The following UFSP2 variants were observed in gnomAD, a reference collection of about 807,000 sequenced individuals.
The protein encoded by UFSP2 is ufm1-specific protease 2.
A neutral mutation model predicts 60.2 loss-of-function variants in UFSP2; 43 were observed. That is an observed-to-expected ratio of 0.71 (90% confidence interval 0.56 to 0.92). The LOEUF (loss-of-function observed/expected upper bound fraction) is 0.92. UFSP2 is among the 40% of genes least tolerant of loss of function. The probability of loss-of-function intolerance (pLI) is 0.00; values close to 1 mark genes in which losing one functional copy is unlikely to be tolerated. For missense variants in UFSP2, 520 were observed against 575.0 expected, an observed-to-expected ratio of 0.90 and a Z score of 0.98; for synonymous variants, 183 against 195.1, an observed-to-expected ratio of 0.94 and a Z score of 0.52.
At chr4:185,410,056 G>A (rs185858315) in intron 7 of UFSP2, among the ~76,000 whole-genome samples, 3 of 152,076 alleles carry the variant, frequency 2.0e-5, no homozygotes, top group African/African-American at 7.2e-5. Context: ...TTATTTTTTA[G>A]GGAACAAATA....
rs70962563 is a variant in UFSP2 at position 185,405,002 on chromosome 4, CT to C, written c.1198+777del. On this transcript the variant is annotated intron_variant, in intron 10 of 11. Coordinates refer to ENST00000264689, the MANE Select transcript of UFSP2 (RefSeq NM_018359.5). The stretch of plus-strand genomic sequence containing the variant: ...TGCTGACATCAGCCTACCTCCATTT[CT>C]TTTTTTTTTTTTTTTCTTTTGAGAC... Among the ~76,000 whole-genome samples, 1,303 of 138,156 alleles carry C rather than the reference CT, an allele frequency of 9.4e-3. 11 individuals carry two copies. The highest frequency in any genetic ancestry group is 0.032 in the African/African-American group (1,204 of 37,506). 90.6% of individuals were successfully genotyped at this position (138,156 alleles called of 152,430 possible). A position where few individuals can be genotyped will look rare whatever the true frequency, so the allele number is the denominator to read the frequency against.
chr4:185,420,394 GAAGAC>G (rs1412429873), intron 2 of UFSP2, among the ~76,000 whole-genome samples: 2 of 152,114 alleles, frequency 1.3e-5, no homozygotes, highest in Admixed American at 1.3e-4. Flanking sequence ...TATAGTCAAA[GAAGAC>G]AATCTTTCAA....
At chr4:185,408,095 C>G (rs370520066) in intron 8 of UFSP2, 35 bp from the exon 9 acceptor site, 21 of 1,604,672 alleles carry the variant, frequency 1.3e-5, no homozygotes, top group East Asian at 2.2e-5. Flanking sequence ...CATCCATACA[C>G]AAGACAGCTA....
intron 4 of UFSP2, among the ~76,000 whole-genome samples, chr4:185,417,896 T>G (rs1257199300): frequency 6.6e-6 from 1 of 151,940 alleles, no homozygotes; most frequent in African/African-American, 2.4e-5. Flanking sequence ...ATACAAAAAT[T>G]AGCTGGGCAT....
chr4:185,415,373 T>C, intron 5 of UFSP2, 26 bp from the exon 6 acceptor site: 1 of 1,518,068 alleles, frequency 6.6e-7, no homozygotes, highest in Non-Finnish European at 8.8e-7. Flanking sequence ...TATAAGTGTA[T>C]TAACAAAAGT....
intron 11 of UFSP2, among the ~76,000 whole-genome samples, chr4:185,401,659 C>A (rs1326969523): frequency 2.6e-5 from 4 of 152,136 alleles, no homozygotes; most frequent in East Asian, 3.9e-4. Flanking sequence ...TCAAGTGAAT[C>A]AATAGTTTTA....
Position 185,399,878 on chromosome 4 carries a change from GTTTCA to G in UFSP2, c.*509_*513del. 1 of 1,547,890 alleles carries G rather than the reference GTTTCA, an allele frequency of 6.5e-7. No homozygotes were observed. Among genetic ancestry groups the G allele is most frequent in the Non-Finnish European group, 8.7e-7 (1 of 1,147,502 alleles). On this transcript the variant is annotated 3_prime_UTR_variant, in exon 12 of 12. Transcript: ENST00000264689. The stretch of plus-strand genomic sequence containing the variant: ...TGACACTCGTATTTCTAGTAGTATT[GTTTCA>G]TTCTCATTAACATTTTAGTACTGGT...
At chr4:185,416,597 G>C (rs1362402472) in intron 4 of UFSP2, among the ~76,000 whole-genome samples, 4 of 151,510 alleles carry the variant, frequency 2.6e-5, no homozygotes, top group African/African-American at 9.7e-5. Flanking sequence ...AGATAAAAAT[G>C]AACGTGTTAT....
At chr4:185,415,008 TTAAA>T (rs767277480) in intron 6 of UFSP2, 143 bp downstream of exon 6, 1 of 650,332 alleles carries the variant, frequency 1.5e-6, no homozygotes, top group Non-Finnish European at 2.4e-6. Context: ...AGAACAGAAA[TTAAA>T]TAATGTGTAA....
At chr4:185,422,403 A>T (rs2095551064) in intron 2 of UFSP2, 82 bp downstream of exon 2, 4 of 993,280 alleles carry the variant, frequency 4.0e-6, no homozygotes, top group Admixed American at 2.3e-5. Context: ...TCTCTCTCTC[A>T]GTTTCATTTG....
intron 2 of UFSP2, among the ~76,000 whole-genome samples, chr4:185,421,214 A>G (rs1321096807): frequency 6.6e-6 from 1 of 152,238 alleles, no homozygotes; most frequent in Non-Finnish European, 1.5e-5. Context: ...AGAACAATTT[A>G]TTAGTTGAAG....
chr4:185,403,522 G>T lies in UFSP2; in HGVS notation c.1295C>A (p.Ala432Asp). Reference protein sequence around the residue: ...FLILDPHYTGAEDLQVILEKG... With the variant: ...FLILDPHYTGDEDLQVILEKG... ...TTCCAAAATAACTTGCAGGTCTTCA[G>T]CACCGGTATAATGTGGATCTAGAAT... The change falls in exon 11 of 12, where the codon GCT becomes GAT. Residue 432 changes from alanine (A) to aspartate (D), a missense_variant. Transcript: ENST00000264689. 1 of 1,613,936 alleles carries T rather than the reference G, an allele frequency of 6.2e-7. No homozygotes were observed. Among genetic ancestry groups the T allele is most frequent in the Non-Finnish European group, 8.5e-7 (1 of 1,179,974 alleles).
At chr4:185,402,003 C>G (rs903449133) in intron 11 of UFSP2, among the ~76,000 whole-genome samples, 1 of 152,202 alleles carries the variant, frequency 6.6e-6, no homozygotes, top group Non-Finnish European at 1.5e-5. Context: ...CTCACCTCTT[C>G]GCCTAGCTCT....
chr4:185,419,492 A>G (rs1742736416), intron 2 of UFSP2, among the ~76,000 whole-genome samples: 1 of 152,214 alleles, frequency 6.6e-6, no homozygotes, highest in Admixed American at 6.5e-5. Context: ...CTGGAACACA[A>G]TATCCAAGTT....
At chr4:185,415,926 T>C (rs2095537880) in intron 4 of UFSP2, 59 bp from the exon 5 acceptor site, 2 of 1,382,150 alleles carry the variant, frequency 1.4e-6, no homozygotes, top group Non-Finnish European at 1.9e-6. Flanking sequence ...ATATAAAGAG[T>C]AAGTAAAAAG....
chr4:185,403,635 A>C lies in UFSP2; in HGVS notation c.1199-17T>G. On this transcript the variant is annotated splice_polypyrimidine_tract_variant and intron_variant, in intron 10 of 11. Coordinates refer to ENST00000264689, the MANE Select transcript of UFSP2 (RefSeq NM_018359.5). ...CTCCTCCCCCTATAGAAGAAAAAAT[A>C]GGAAATACGAATGAAGGCATAAACA... 1 of 1,597,028 alleles carries C rather than the reference A, an allele frequency of 6.3e-7. No homozygotes were observed. The highest frequency in any genetic ancestry group is 8.5e-7 in the Non-Finnish European group (1 of 1,175,718).
At chr4:185,414,873 T>C (rs1178098673) in intron 6 of UFSP2, among the ~76,000 whole-genome samples, 1 of 152,196 alleles carries the variant, frequency 6.6e-6, no homozygotes, top group Non-Finnish European at 1.5e-5. Flanking sequence ...ACCATTTCTA[T>C]ATTTCATTAT....
intron 9 of UFSP2, among the ~76,000 whole-genome samples, chr4:185,406,338 A>G (rs959397766): frequency 1.7e-4 from 26 of 152,342 alleles, no homozygotes; most frequent in African/African-American, 6.3e-4. Context: ...ATGTCTGTGA[A>G]ATCAATGTGA....
chr4:185,407,947 G>T lies in UFSP2; in HGVS notation c.1110C>A (p.Ile370=). 1 of 1,613,586 alleles carries T rather than the reference G, an allele frequency of 6.2e-7. No homozygotes were observed. The highest frequency in any genetic ancestry group is 1.1e-5 in the South Asian group (1 of 90,870). ...LNQLIGITSK[I]LFVSQGSEIA... ...TAAAGTGTGCTTACCTGACAAACAGGATTTTTGACGTTATACCGATCAATT... is the reference window on the plus strand; with the variant it reads ...TAAAGTGTGCTTACCTGACAAACAGTATTTTTGACGTTATACCGATCAATT... The change falls in exon 9 of 12, where the codon ATC becomes ATA. Residue 370 remains isoleucine (I), a synonymous_variant. Transcript: ENST00000264689.
Sources: gnomAD v4.1 joint callset for allele counts (sites outside exome capture counted in the v4.1 genomes callset) on GRCh38, gnomAD v4.1.1 for gene constraint, MANE v1.5 for transcripts, NCBI Gene and HGNC (gene_info 2026-07-23, HGNC 2026-07-21) for gene names.